The following LGSN variants were observed in gnomAD, a reference collection of about 807,000 sequenced individuals.
The protein encoded by LGSN is lengsin.
LGSN carries 21 observed loss-of-function variants against 19.5 expected under a neutral mutation model. That is an observed-to-expected ratio of 1.07 (90% CI 0.76 to 1.55). The LOEUF (loss-of-function observed/expected upper bound fraction) is 1.55. LGSN is among the 40% of genes most tolerant of loss of function. The probability of loss-of-function intolerance (pLI) is 0.00; values close to 1 mark genes in which losing one functional copy is unlikely to be tolerated. For missense variants in LGSN, 673 were observed against 608.5 expected, an observed-to-expected ratio of 1.11 and a Z score of -1.12; for synonymous variants, 257 against 215.6, an observed-to-expected ratio of 1.19 and a Z score of -1.68.
the LGSN span, among the ~76,000 whole-genome samples, chr6:63,559,429 CA>C: frequency 7.3e-5 from 11 of 151,684 alleles, no homozygotes; most frequent in East Asian, 5.8e-4. Flanking sequence ...TTAAACGCAG[CA>C]AAAAAAATCA....
chr6:63,326,013 G>A, the LGSN span, among the ~76,000 whole-genome samples: 1 of 152,222 alleles, frequency 6.6e-6, no homozygotes, highest in East Asian at 1.9e-4. Context: ...GGCACTGATT[G>A]GTGGGTTTAC....
the LGSN span, among the ~76,000 whole-genome samples, chr6:63,464,090 TG>T: frequency 6.6e-6 from 1 of 152,192 alleles, no homozygotes; most frequent in African/African-American, 2.4e-5. Context: ...TATGGATATT[TG>T]TGTTCCATTT....
the LGSN span, among the ~76,000 whole-genome samples, chr6:63,390,865 AAAAAAAAAAAAAG>A: frequency 6.6e-6 from 1 of 150,474 alleles, no homozygotes; most frequent in Non-Finnish European, 1.5e-5. Flanking sequence ...ATCTCAAAAA[AAAAAAAAAAAAAG>A]AAAAGAAAAT....
the LGSN span, among the ~76,000 whole-genome samples, chr6:63,457,828 G>A: frequency 2.5e-4 from 38 of 149,186 alleles, no homozygotes; most frequent in African/African-American, 8.9e-4. Flanking sequence ...GCAGTGAGCT[G>A]AGATTGCACC....
chr6:63,385,662 C>T, the LGSN span, among the ~76,000 whole-genome samples: 1 of 152,164 alleles, frequency 6.6e-6, no homozygotes, highest in Non-Finnish European at 1.5e-5. Context: ...TCTAACTTAT[C>T]CATAGTTTTC....
chr6:63,412,724 A>AAAGG, the LGSN span, among the ~76,000 whole-genome samples: 1 of 38,236 alleles, frequency 2.6e-5, no homozygotes, highest in South Asian at 8.9e-4. Flanking sequence ...GGAAGGAAAG[A>AAAGG]AAGAAAGAAA....
chr6:63,436,911 C>T, the LGSN span, among the ~76,000 whole-genome samples: 2 of 152,002 alleles, frequency 1.3e-5, no homozygotes. Context: ...GTGGTATGCA[C>T]CTGTAATCCC....
the LGSN span, among the ~76,000 whole-genome samples, chr6:63,540,172 G>A: frequency 6.6e-6 from 1 of 152,172 alleles, no homozygotes. Context: ...GGTGTGCATG[G>A]TTGGAGAGTG....
chr6:63,337,948 C>T, the LGSN span, among the ~76,000 whole-genome samples: 1,153 of 152,066 alleles, frequency 7.6e-3, 16 homozygotes, highest in Middle Eastern at 0.01. Context: ...TGCAGTGGTG[C>T]AATCTTGGCT....
the LGSN span, among the ~76,000 whole-genome samples, chr6:63,568,120 A>T: frequency 2.0e-5 from 3 of 152,242 alleles, no homozygotes; most frequent in Admixed American, 2.0e-4. Context: ...TCACTTTCTT[A>T]TCATTCCTGT....
chr6:63,561,086 T>A, the LGSN span, among the ~76,000 whole-genome samples: 1 of 152,210 alleles, frequency 6.6e-6, no homozygotes, highest in East Asian at 1.9e-4. Context: ...AGCTTGTTTG[T>A]TTAGCAAAGA....
At chr6:63,448,547 G>A in the LGSN span, among the ~76,000 whole-genome samples, 2 of 151,698 alleles carry the variant, frequency 1.3e-5, no homozygotes, top group Non-Finnish European at 2.9e-5. Context: ...AAGGGAGGTA[G>A]GGAGAGAAGA....
chr6:63,282,683 C>A (rs1230924000), intron 3 of LGSN, among the ~76,000 whole-genome samples: 1 of 152,202 alleles, frequency 6.6e-6, no homozygotes, highest in Non-Finnish European at 1.5e-5. Flanking sequence ...TGCTATTTGA[C>A]TGAACTGATC....
At chr6:63,336,916 T>C in the LGSN span, among the ~76,000 whole-genome samples, 39 of 139,272 alleles carry the variant, frequency 2.8e-4, no homozygotes, top group Non-Finnish European at 4.6e-5. Context: ...ATTATGACAT[T>C]CCTTTCTTTT....
the LGSN span, among the ~76,000 whole-genome samples, chr6:63,501,588 GA>G: frequency 2.2e-4 from 32 of 146,650 alleles, no homozygotes; most frequent in East Asian, 6.2e-4. Flanking sequence ...TGTCTAATGT[GA>G]AAAAAAAAAA....
At chr6:63,368,372 C>T in the LGSN span, among the ~76,000 whole-genome samples, 2 of 152,138 alleles carry the variant, frequency 1.3e-5, no homozygotes, top group Admixed American at 6.5e-5. Flanking sequence ...TTCAAAATCC[C>T]TGACCTAACC....
chr6:63,280,926 C>G lies in LGSN; in HGVS notation c.625G>C (p.Asp209His). ...TCGGGCACACCAAAAATGCAAAAAT[C>G]ATAGATGAAAGCAGAAAGCAGGGAA... ...GFSLLSAFIY[D>H]FCIFGVPEIL... The change falls in exon 4 of 4, where the codon GAT becomes CAT. Residue 209 changes from aspartate to histidine, a missense_variant. Coordinates refer to ENST00000370657, the MANE Select transcript of LGSN (RefSeq NM_016571.3). 6.2e-7 allele frequency: 1 copy of G among 1,613,986 alleles called. No homozygotes were observed. Among genetic ancestry groups the G allele is most frequent in the South Asian group, 1.1e-5 (1 of 91,066 alleles).
chr6:63,547,404 G>T, the LGSN span, among the ~76,000 whole-genome samples: 3 of 150,948 alleles, frequency 2.0e-5, no homozygotes. Context: ...TGGCCAGGCT[G>T]GTCTTGAACT....
the LGSN span, among the ~76,000 whole-genome samples, chr6:63,438,290 A>T: frequency 6.6e-6 from 1 of 152,208 alleles, no homozygotes; most frequent in Non-Finnish European, 1.5e-5. Flanking sequence ...GGACATAGGC[A>T]TGGGTAAGGA....
Sources: allele counts gnomAD v4.1 joint callset (sites outside exome capture counted in the v4.1 genomes callset), GRCh38; gene constraint gnomAD v4.1.1; transcripts MANE v1.5; gene names NCBI Gene and HGNC (gene_info 2026-07-23, HGNC 2026-07-21).